TCF4: variants seen among roughly 807,000 people sequenced by gnomAD.
TCF4 encodes SL3-3 enhancer factor 2.
A neutral mutation model predicts 82.1 loss-of-function variants in TCF4; 3 were observed. That is an observed-to-expected ratio of 0.04 (90% CI 0.02 to 0.09). The LOEUF (loss-of-function observed/expected upper bound fraction) is 0.09, where lower values mean the gene tolerates loss of function less well. Ranked by LOEUF, TCF4 falls within the 10% of genes least tolerant of loss-of-function variation. The probability of loss-of-function intolerance (pLI) is 1.00; values close to 1 mark genes in which losing one functional copy is unlikely to be tolerated. For missense variants in TCF4, 518 were observed against 852.7 expected (o/e 0.61, Z 4.89); for synonymous variants, 276 against 309.6 (o/e 0.89, Z 1.14).
chr18:55,376,728 C>T (rs1370996156), intron 6 of TCF4, among the ~76,000 whole-genome samples: 8 of 152,288 alleles, frequency 5.3e-5, no homozygotes, highest in Non-Finnish European at 8.8e-5. Context: ...TTGCACAGTC[C>T]GGTTAACCTG....
At position 55,261,461 on chromosome 18, in the gene TCF4, C is replaced by T; in HGVS notation, c.990+5G>A. 6.2e-7 allele frequency: 1 copy of T among 1,613,830 alleles called. No homozygotes were observed. The highest frequency in any genetic ancestry group is 8.5e-7 in the Non-Finnish European group (1 of 1,179,802). On this transcript the variant is annotated splice_donor_5th_base_variant and intron_variant, in intron 12 of 19. Transcript: ENST00000354452. ...ATATGGAGTCCAAAGTCAATATTTC[C>T]TCACCGAAGCAAGTGCTTTCCCCAG... is the stretch of plus-strand genomic sequence containing the variant.
At chr18:55,299,451 CTTTTT>C (rs113065305) in intron 8 of TCF4, among the ~76,000 whole-genome samples, 1 of 116,816 alleles carries the variant, frequency 8.6e-6, no homozygotes, top group Non-Finnish European at 1.8e-5. Context: ...CATGTTTCTG[CTTTTT>C]TTTTTTTTTT....
intron 8 of TCF4, among the ~76,000 whole-genome samples, chr18:55,305,108 G>C (rs1389730305): frequency 6.6e-6 from 1 of 152,016 alleles, no homozygotes; most frequent in Non-Finnish European, 1.5e-5. Context: ...TTATTCATGT[G>C]GGACATCACC....
chr18:55,291,972 G>T (rs927526851), intron 8 of TCF4, among the ~76,000 whole-genome samples: 1 of 152,122 alleles, frequency 6.6e-6, no homozygotes, highest in African/African-American at 2.4e-5. Flanking sequence ...ATCCTATAGG[G>T]TTATTCAGAA....
intron 10 of TCF4, among the ~76,000 whole-genome samples, chr18:55,272,952 T>C (rs527561177): frequency 3.9e-5 from 6 of 152,284 alleles, no homozygotes; most frequent in Admixed American, 3.3e-4. Context: ...TGTTTCGCCC[T>C]GTAGTGCAAA....
In TCF4 at chr18:55,234,652, A is replaced by G; in HGVS notation, c.1382T>C (p.Leu461Pro). Reference protein sequence around the residue: ...VGTHREDGVALRGSHSLLPNQ... With the variant: ...VGTHREDGVAPRGSHSLLPNQ... ...TGGCAGAAGAGAATGGCTGCCTCTCAGGGCCACGCCATCTTCACGATGGGT... is the reference window on the plus strand; with the variant it reads ...TGGCAGAAGAGAATGGCTGCCTCTCGGGGCCACGCCATCTTCACGATGGGT... Residue 461 changes from leucine (L) to proline (P), a missense_variant, in exon 16 of 20, where the codon CTG becomes CCG. Physicochemically the swap from Leu to Pro is moderately conservative, Grantham distance 98 (BLOSUM62 -3). This residue lies in a region of TCF4 where 144 missense variants were observed against 190.2 expected (regional missense o/e 0.76). Coordinates refer to ENST00000354452, the MANE Select transcript of TCF4 (RefSeq NM_001083962.2). 2 of 1,614,172 alleles carry G rather than the reference A, an allele frequency of 1.2e-6. No homozygotes were observed. Among genetic ancestry groups the G allele is most frequent in the Non-Finnish European group, 1.7e-6 (2 of 1,180,016 alleles).
intron 3 of TCF4, among the ~76,000 whole-genome samples, chr18:55,507,978 A>C (rs2146213695): frequency 6.6e-6 from 1 of 152,266 alleles, no homozygotes; most frequent in South Asian, 2.1e-4. Context: ...CACTGAGGCT[A>C]ATGTGTTGCC....
intron 17 of TCF4, chr18:55,232,254 G>A (rs1332354521): frequency 2.2e-6 from 1 of 458,640 alleles, no homozygotes; most frequent in East Asian, 4.0e-5. Flanking sequence ...AACTGTACTT[G>A]AATCAGAGAC....
intron 2 of TCF4, among the ~76,000 whole-genome samples, chr18:55,612,666 A>G (rs2097708197): frequency 6.6e-6 from 1 of 152,114 alleles, no homozygotes; most frequent in Non-Finnish European, 1.5e-5. Flanking sequence ...TTTCGATACA[A>G]GAATATATAG....
At chr18:55,460,978 G>C (rs2095859116) in intron 5 of TCF4, 41 bp downstream of exon 5, 1 of 1,558,006 alleles carries the variant, frequency 6.4e-7, no homozygotes. Flanking sequence ...AGTAAAACTT[G>C]AGCATTCAAA....
intron 3 of TCF4, among the ~76,000 whole-genome samples, chr18:55,535,774 A>C (rs1171224731): frequency 6.6e-6 from 1 of 152,226 alleles, no homozygotes; most frequent in African/African-American, 2.4e-5. Flanking sequence ...AGTTAAACAA[A>C]TTATCAGTTC....
chr18:55,474,950 G>A (rs897864946), intron 3 of TCF4, among the ~76,000 whole-genome samples: 1 of 152,112 alleles, frequency 6.6e-6, no homozygotes, highest in Non-Finnish European at 1.5e-5. Flanking sequence ...TTCAATTACA[G>A]TGCAGTTATA....
At chr18:55,229,598 G>C (rs984251989) in intron 17 of TCF4, 3 of 170,966 alleles carry the variant, frequency 1.8e-5, no homozygotes, top group African/African-American at 7.2e-5. Context: ...AGCTTAACAG[G>C]AGTAAGAAGA....
intron 2 of TCF4, among the ~76,000 whole-genome samples, chr18:55,621,443 T>TAAAA: frequency 8.6e-6 from 1 of 115,984 alleles, no homozygotes; most frequent in Non-Finnish European, 1.7e-5. Context: ...TAAAAATATA[T>TAAAA]ATATAATATA....
intron 5 of TCF4, among the ~76,000 whole-genome samples, chr18:55,406,214 C>T (rs2146557889): frequency 6.7e-6 from 1 of 149,962 alleles, no homozygotes; most frequent in South Asian, 2.1e-4. Context: ...ATAGATCGGT[C>T]CAGAGATCAT....
rs921408097 is a variant in TCF4 at position 55,508,959 on chromosome 18, T to A, written c.146-44822A>T. Among the ~76,000 whole-genome samples the A allele has an allele frequency of 2.6e-5, 4 of 152,206 alleles. No homozygotes were observed. The South Asian group carries it at 8.3e-4, about 31-fold the overall frequency. On this transcript the variant is annotated intron_variant, in intron 3 of 19. Transcript: ENST00000354452. ...CTGTTAAACAGATTATCTGAAACATTAGAGTAAATCTCCTCTCAAAAATCA... is the reference window on the plus strand; with the variant it reads ...CTGTTAAACAGATTATCTGAAACATAAGAGTAAATCTCCTCTCAAAAATCA...
chr18:55,285,580 A>G (rs917368835), intron 8 of TCF4, among the ~76,000 whole-genome samples: 1 of 152,240 alleles, frequency 6.6e-6, no homozygotes, highest in Non-Finnish European at 1.5e-5. Context: ...CACAGTAGCC[A>G]TATTTCAAGT....
rs771469094 is a variant in TCF4, at chr18:55,283,190, AT to A, written c.550-3535del. 6.4e-3 allele frequency among the ~76,000 whole-genome samples: 916 copies of A among 144,240 alleles called. 3 individuals are homozygous for A. The highest frequency in any genetic ancestry group is 8.2e-3 in the African/African-American group (324 of 39,582). 94.6% of individuals were successfully genotyped at this position (144,240 alleles called of 152,430 possible). A position where few individuals can be genotyped will look rare whatever the true frequency, so the allele number is the denominator to read the frequency against. On this transcript the variant is annotated intron_variant, in intron 8 of 19. Coordinates refer to ENST00000354452, the MANE Select transcript of TCF4 (RefSeq NM_001083962.2). ...AAAATGTTTTCATTTTACAGATTTAATTTTTTTTTTTTTTGGTAATCCAAGA... is the reference window on the plus strand; with the variant it reads ...AAAATGTTTTCATTTTACAGATTTAATTTTTTTTTTTTTGGTAATCCAAGA...
intron 5 of TCF4, among the ~76,000 whole-genome samples, chr18:55,421,128 A>G (rs1287283478): frequency 2.0e-5 from 3 of 152,152 alleles, no homozygotes; most frequent in Non-Finnish European, 4.4e-5. Flanking sequence ...CTATTTTACC[A>G]CAATAGATTT....
Sources: allele counts gnomAD v4.1 joint callset (sites outside exome capture counted in the v4.1 genomes callset), GRCh38; gene constraint gnomAD v4.1.1; regional missense constraint gnomAD v4.1.1; transcripts MANE v1.5; gene names NCBI Gene and HGNC (gene_info 2026-07-23, HGNC 2026-07-21).